The following PPP1R14C variants were observed in gnomAD, a reference collection of about 807,000 sequenced individuals.
PPP1R14C encodes the protein protein phosphatase 1 regulatory inhibitor subunit 14C, also known as protein phosphatase 1 regulatory subunit 14C.
PPP1R14C carries 16 observed loss-of-function variants against 20.4 expected under a neutral mutation model. The observed-to-expected ratio is 0.78, with a 90% CI of 0.53 to 1.19. PPP1R14C has a LOEUF of 1.19. Among genes scored for constraint, PPP1R14C ranks in the 50% most tolerant of loss-of-function variants. PPP1R14C has a pLI of 0.00. For missense variants in PPP1R14C, 211 were observed against 220.1 expected (o/e 0.96, Z 0.26); for synonymous variants, 91 against 91.0 (o/e 1.00, Z 0.00).
intron 3 of PPP1R14C, among the ~76,000 whole-genome samples, chr6:150,221,188 C>A (rs1222002935): frequency 6.6e-6 from 1 of 152,188 alleles, no homozygotes; most frequent in Non-Finnish European, 1.5e-5. Context: ...TATATTTTTC[C>A]AGAGCTCTGT....
chr6:150,167,409 C>G (rs1161062242), intron 1 of PPP1R14C, among the ~76,000 whole-genome samples: 1 of 152,026 alleles, frequency 6.6e-6, no homozygotes, highest in Non-Finnish European at 1.5e-5. Flanking sequence ...AGCTTTGAGA[C>G]CCTAAAGAGA....
intron 3 of PPP1R14C, among the ~76,000 whole-genome samples, chr6:150,237,262 G>C (rs1198082980): frequency 6.6e-6 from 1 of 152,058 alleles, no homozygotes; most frequent in Non-Finnish European, 1.5e-5. Context: ...GGAGTGCAAT[G>C]GTGTGATCTC....
intron 3 of PPP1R14C, among the ~76,000 whole-genome samples, chr6:150,217,876 G>C (rs2114913221): frequency 6.6e-6 from 1 of 152,306 alleles, no homozygotes; most frequent in Non-Finnish European, 1.5e-5. Context: ...GCTTTTACAA[G>C]TGTCTGATTT....
intron 1 of PPP1R14C, among the ~76,000 whole-genome samples, chr6:150,176,430 A>G (rs1473212208): frequency 6.6e-6 from 1 of 152,220 alleles, no homozygotes; most frequent in Non-Finnish European, 1.5e-5. Flanking sequence ...ATTAGGCTGA[A>G]CTTTCCCCTT....
intron 1 of PPP1R14C, among the ~76,000 whole-genome samples, chr6:150,149,750 A>G (rs2114850130): frequency 6.6e-6 from 1 of 152,260 alleles, no homozygotes; most frequent in East Asian, 1.9e-4. Flanking sequence ...GTTATTCTCT[A>G]TGATGGAGAC....
At chr6:150,219,916 C>T (rs1386832526) in intron 3 of PPP1R14C, among the ~76,000 whole-genome samples, 12 of 151,980 alleles carry the variant, frequency 7.9e-5, no homozygotes, top group Non-Finnish European at 2.9e-5. Flanking sequence ...GGTGCAGTGG[C>T]GCCATGTAGG....
intron 1 of PPP1R14C, among the ~76,000 whole-genome samples, chr6:150,154,062 A>T (rs1777279233): frequency 6.6e-6 from 1 of 152,242 alleles, no homozygotes. Flanking sequence ...TCCTGTTCAC[A>T]GTTGTGTTAG....
At chr6:150,214,626 A>G in intron 1 of PPP1R14C, 118 bp from the exon 2 acceptor site, 1 of 485,890 alleles carries the variant, frequency 2.1e-6, no homozygotes, top group Non-Finnish European at 3.7e-6. Context: ...CCCCCTGCTT[A>G]TCTGTCAGCC....
Position 150,216,866 on chromosome 6 carries a change from T to A in PPP1R14C, c.423+10T>A, listed in dbSNP as rs1778100686. On this transcript the variant is annotated intron_variant, in intron 3 of 3. Coordinates refer to ENST00000361131, the MANE Select transcript of PPP1R14C (RefSeq NM_030949.3). ...CTACAAACCAACAGAGGTAAGCAAATCACTTTTCCTAAATGCCATGTTTGA... is the reference window on the plus strand; with the variant it reads ...CTACAAACCAACAGAGGTAAGCAAAACACTTTTCCTAAATGCCATGTTTGA... 1 of 1,598,980 alleles carries A rather than the reference T, an allele frequency of 6.3e-7. No individual in the cohort carries two copies. Among genetic ancestry groups the A allele is most frequent in the Admixed American group, 1.7e-5 (1 of 58,152 alleles).
rs189853038 is a variant in PPP1R14C at position 150,200,779 on chromosome 6, G to C, written c.307-13965G>C. Among the ~76,000 whole-genome samples, 99 of 152,310 alleles carry C rather than the reference G, an allele frequency of 6.5e-4. 1 individual carries two copies. In the South Asian group the frequency reaches 0.013, roughly 19 times the overall value. ...CTTCTTTCCTCCAAGTCTTCACTGAGAGCCTGAATCCATTCATATCTGCCT... is the reference window on the plus strand; with the variant it reads ...CTTCTTTCCTCCAAGTCTTCACTGACAGCCTGAATCCATTCATATCTGCCT... On this transcript the variant is annotated intron_variant, in intron 1 of 3. Transcript: ENST00000361131.
chr6:150,177,564 T>TC (rs1189946628), intron 1 of PPP1R14C, among the ~76,000 whole-genome samples: 2 of 152,002 alleles, frequency 1.3e-5, no homozygotes, highest in Non-Finnish European at 2.9e-5. Context: ...ACTGTTCCTT[T>TC]CCCCCCTCAG....
At chr6:150,169,685 G>A (rs62440053) in intron 1 of PPP1R14C, among the ~76,000 whole-genome samples, 26,106 of 152,144 alleles carry the variant, frequency 0.17, 2,656 homozygotes, top group South Asian at 0.29. Flanking sequence ...AGGCCGAAGC[G>A]GGAAGAAGCT....
intron 3 of PPP1R14C, among the ~76,000 whole-genome samples, chr6:150,236,067 T>C (rs968297890): frequency 1.3e-5 from 2 of 152,214 alleles, no homozygotes; most frequent in African/African-American, 4.8e-5. Flanking sequence ...AAGGGAATTG[T>C]GCCCTCCACC....
In PPP1R14C at chr6:150,248,926, T is replaced by TG; in HGVS notation, c.*107dup. On this transcript the variant is annotated 3_prime_UTR_variant, in exon 4 of 4. Coordinates refer to ENST00000361131, the MANE Select transcript of PPP1R14C (RefSeq NM_030949.3). ...TAGGTGTCCTTATGAACAACGTTTT[T>TG]GTTTTTTTTTTTTTCTTTTTTGGTG... The TG allele has an allele frequency of 3.3e-6, 2 of 610,668 alleles. No homozygotes were observed. The highest frequency in any genetic ancestry group is 3.4e-5 in the Admixed American group (1 of 29,400). 37.8% of individuals were successfully genotyped at this position (610,668 alleles called of 1,614,324 possible).
chr6:150,164,891 T>C (rs1777407637), intron 1 of PPP1R14C, among the ~76,000 whole-genome samples: 1 of 152,174 alleles, frequency 6.6e-6, no homozygotes, highest in Non-Finnish European at 1.5e-5. Context: ...GGAGCACTCA[T>C]GAATGGGATT....
chr6:150,181,123 C>A (rs1272947809), intron 1 of PPP1R14C, among the ~76,000 whole-genome samples: 1 of 152,136 alleles, frequency 6.6e-6, no homozygotes, highest in Non-Finnish European at 1.5e-5. Flanking sequence ...CCGCTTTAGT[C>A]TGTCTATCCA....
intron 1 of PPP1R14C, among the ~76,000 whole-genome samples, chr6:150,175,691 G>A (rs6935756): frequency 0.29 from 43,759 of 151,976 alleles, 6,813 homozygotes; most frequent in East Asian, 0.57. Context: ...GATTTCCCTA[G>A]TCAAAGGCTT....
At chr6:150,230,757 C>T (rs1390570483) in intron 3 of PPP1R14C, among the ~76,000 whole-genome samples, 2 of 152,122 alleles carry the variant, frequency 1.3e-5, no homozygotes, top group African/African-American at 2.4e-5. Context: ...CCATTTATCT[C>T]GTTTAGCTTT....
At chr6:150,239,788 C>T (rs1778409689) in intron 3 of PPP1R14C, among the ~76,000 whole-genome samples, 1 of 152,218 alleles carries the variant, frequency 6.6e-6, no homozygotes. Context: ...AGTGTAATTA[C>T]ACGCCTGTAA....
Sources: gnomAD v4.1 joint callset for allele counts (sites outside exome capture counted in the v4.1 genomes callset) on GRCh38, gnomAD v4.1.1 for gene constraint, MANE v1.5 for transcripts, NCBI Gene and HGNC (gene_info 2026-07-23, HGNC 2026-07-21) for gene names.